Variants in PLCH1 observed in about 807,000 individuals in gnomAD.
PLCH1 encodes the protein phospholipase C eta 1, also known as 1-phosphatidylinositol 4,5-bisphosphate phosphodiesterase eta-1.
In PLCH1, 60 loss-of-function variants were observed where a neutral mutation model predicts 126.7. The observed-to-expected ratio is 0.47, with a 90% CI of 0.38 to 0.59. The LOEUF (loss-of-function observed/expected upper bound fraction) is 0.59, where lower values mean the gene tolerates loss of function less well. Among genes scored for constraint, PLCH1 ranks in the 20% least tolerant of loss-of-function variants. PLCH1 has a pLI of 0.00. For synonymous variants in PLCH1, 719 were observed against 734.9 expected, an observed-to-expected ratio of 0.98 and a Z score of 0.35; for missense variants, 1,723 against 2,040.0, an observed-to-expected ratio of 0.84 and a Z score of 2.99.
chr3:155,485,990 A>T (rs1715012960), intron 21 of PLCH1: 1 of 614,688 alleles, frequency 1.6e-6, no homozygotes, highest in Admixed American at 3.0e-5. Flanking sequence ...AAGTCTCCAC[A>T]GCTCATAGAC....
At chr3:155,476,945 G>T (rs985514302), downstream of PLCH1, among the ~76,000 whole-genome samples, 1 of 151,536 alleles carries the variant, frequency 6.6e-6, no homozygotes, top group Non-Finnish European at 1.5e-5. Flanking sequence ...GTAGCCAAAG[G>T]TATCCTAAGC....
At position 155,482,514 on chromosome 3, in the gene PLCH1, T is replaced by G. The variant is rs773264600; in HGVS notation, c.3512A>C (p.His1171Pro). ...TAILQESVIS[H>P]LIDNVTLTNE... The stretch of plus-strand genomic sequence containing the variant: ...TGTTAAAGTGACATTGTCAATAAGA[T>G]GGGAAATTACACTCTCCTGCAGAAT... Residue 1171 changes from histidine to proline, a missense_variant, in exon 23 of 23, where the codon CAT becomes CCT. By Grantham distance (77) the His-to-Pro change is moderately conservative. Around this residue, in one of 2 missense-constraint regions of PLCH1, gnomAD observed 947 missense variants for 977.1 expected, o/e 0.97. Transcript: ENST00000460012. The G allele has an allele frequency of 6.2e-7, 1 of 1,614,134 alleles. No individual in the cohort carries two copies.
intron 2 of PLCH1, chr3:155,657,696 C>A (rs1336187382): frequency 1.3e-5 from 2 of 152,150 alleles, no homozygotes; most frequent in Admixed American, 6.5e-5. Context: ...ACGCTTTAAA[C>A]TTTACCAATA....
intron 19 of PLCH1, among the ~76,000 whole-genome samples, chr3:155,489,856 A>T (rs1396878805): frequency 6.6e-6 from 1 of 152,174 alleles, no homozygotes; most frequent in East Asian, 1.9e-4. Context: ...CCTATCAAAA[A>T]GCCTCGAGCT....
chr3:155,731,141 T>C (rs1026816170), intron 1 of PLCH1, among the ~76,000 whole-genome samples: 37 of 152,152 alleles, frequency 2.4e-4, no homozygotes, highest in African/African-American at 8.9e-4. Context: ...GATACAGATT[T>C]GCTTCCATCC....
chr3:155,514,903 C>A lies in PLCH1; in HGVS notation c.1471-19G>T. 1 of 1,545,104 alleles carries A rather than the reference C, an allele frequency of 6.5e-7. No individual in the cohort carries two copies. Among genetic ancestry groups the A allele is most frequent in the Non-Finnish European group, 8.8e-7 (1 of 1,137,040 alleles). On this transcript the variant is annotated intron_variant, in intron 11 of 22. Coordinates refer to ENST00000460012, the MANE Select transcript of PLCH1 (RefSeq NM_014996.4). Reference sequence around the variant, plus strand: ...CATTACTCTGCAAAGAATTAAGTAACACAAATGATTTCCTTAAGAAACACA... The same window carrying A: ...CATTACTCTGCAAAGAATTAAGTAAAACAAATGATTTCCTTAAGAAACACA...
chr3:155,524,028 T>C (rs1338163239), intron 10 of PLCH1, 24 bp from the exon 11 acceptor site: 3 of 1,347,906 alleles, frequency 2.2e-6, no homozygotes, highest in Admixed American at 3.6e-5. Context: ...AAACATCCCA[T>C]TTAAAAATGA....
chr3:155,504,082 T>C (rs1718306564), intron 13 of PLCH1, among the ~76,000 whole-genome samples: 1 of 152,234 alleles, frequency 6.6e-6, no homozygotes, highest in African/African-American at 2.4e-5. Context: ...GTTTCCCAGA[T>C]GACTGACGGG....
chr3:155,653,543 C>T (rs1741022980), intron 2 of PLCH1, among the ~76,000 whole-genome samples: 2 of 152,296 alleles, frequency 1.3e-5, no homozygotes, highest in Admixed American at 6.5e-5. Flanking sequence ...ATCCTTTATG[C>T]CTGCACAAAA....
chr3:155,576,235 GCAAAACAAAA>G (rs888732930), intron 6 of PLCH1, among the ~76,000 whole-genome samples: 1 of 152,002 alleles, frequency 6.6e-6, no homozygotes, highest in Non-Finnish European at 1.5e-5. Context: ...ATGAAACAAA[GCAAAACAAAA>G]CAAAACAAAA....
intron 1 of PLCH1, among the ~76,000 whole-genome samples, chr3:155,744,032 A>G (rs1054011032): frequency 1.3e-5 from 2 of 151,754 alleles, no homozygotes; most frequent in Non-Finnish European, 2.9e-5. Flanking sequence ...TTAGTTGGTT[A>G]TTGCTTTAAT....
chr3:155,458,468 AAG>A (rs1424149073), intron 21 of PLCH1, among the ~76,000 whole-genome samples: 14 of 108,356 alleles, frequency 1.3e-4, no homozygotes, highest in African/African-American at 1.5e-4. Flanking sequence ...GAAAGAAAGA[AAG>A]AAAGAAAGAA....
intron 6 of PLCH1, among the ~76,000 whole-genome samples, chr3:155,575,905 C>T (rs138955758): frequency 0.025 from 3,812 of 152,228 alleles, 67 homozygotes; most frequent in Non-Finnish European, 0.038. Flanking sequence ...CCTGCCTGCC[C>T]CCGTAGCTGG....
intron 2 of PLCH1, among the ~76,000 whole-genome samples, chr3:155,682,872 G>A (rs1744646532): frequency 6.6e-6 from 1 of 152,214 alleles, no homozygotes; most frequent in Non-Finnish European, 1.5e-5. Flanking sequence ...CTGTAGGGGA[G>A]CAGGTTTCCA....
chr3:155,719,635 C>T (rs940510767), intron 1 of PLCH1, among the ~76,000 whole-genome samples: 16 of 151,122 alleles, frequency 1.1e-4, no homozygotes, highest in African/African-American at 3.7e-4. Context: ...TTTTGGTAGA[C>T]ATTATTATGT....
At chr3:155,456,202 C>T (rs1712437445) in intron 21 of PLCH1, among the ~76,000 whole-genome samples, 1 of 152,130 alleles carries the variant, frequency 6.6e-6, no homozygotes, top group African/African-American at 2.4e-5. Context: ...TCCTTCTTTA[C>T]CGTATCCTCC....
intron 21 of PLCH1, among the ~76,000 whole-genome samples, chr3:155,459,458 T>C (rs1219447939): frequency 6.6e-6 from 1 of 152,236 alleles, no homozygotes; most frequent in African/African-American, 2.4e-5. Flanking sequence ...ACACCAGTCC[T>C]AGCAGTTTGC....
intron 2 of PLCH1, among the ~76,000 whole-genome samples, chr3:155,666,452 A>G (rs1178524686): frequency 2.6e-5 from 4 of 152,200 alleles, no homozygotes; most frequent in African/African-American, 9.7e-5. Flanking sequence ...GATCCTAAAC[A>G]TATATTTATT....
intron 10 of PLCH1, among the ~76,000 whole-genome samples, chr3:155,541,298 T>C (rs932939487): frequency 3.9e-5 from 6 of 152,124 alleles, no homozygotes; most frequent in Non-Finnish European, 8.8e-5. Flanking sequence ...ATTGCTGAGG[T>C]GACAGGTGCA....
Sources: allele counts gnomAD v4.1 joint callset (sites outside exome capture counted in the v4.1 genomes callset), GRCh38; gene constraint gnomAD v4.1.1; regional missense constraint gnomAD v4.1.1; transcripts MANE v1.5; gene names NCBI Gene and HGNC (gene_info 2026-07-23, HGNC 2026-07-21).